Variants in ENOX1 observed in about 807,000 individuals in gnomAD.
ENOX1 encodes the protein ecto-NOX disulfide-thiol exchanger 1.
A neutral mutation model predicts 82.5 loss-of-function variants in ENOX1; 42 were observed. The ratio of observed to expected loss-of-function variants is 0.51; its 90% CI spans 0.40 to 0.66. The LOEUF (loss-of-function observed/expected upper bound fraction) is 0.66. Ranked by LOEUF, ENOX1 falls within the 30% of genes least tolerant of loss-of-function variation. The pLI is 0.00. For missense variants in ENOX1, 608 were observed against 811.6 expected (o/e 0.75, Z 3.05); for synonymous variants, 271 against 282.2 (o/e 0.96, Z 0.40).
At chr13:43,771,978 G>T (rs953401163) in intron 1 of ENOX1, among the ~76,000 whole-genome samples, 3 of 133,144 alleles carry the variant, frequency 2.3e-5, no homozygotes, top group Admixed American at 8.0e-5. Context: ...TAGAGATGGG[G>T]TTTCACCGTG....
chr13:43,298,270 A>G, intron 12 of ENOX1, 76 bp downstream of exon 12: 1 of 1,438,868 alleles, frequency 6.9e-7, no homozygotes, highest in Non-Finnish European at 9.2e-7. Context: ...TTTCCAGCAC[A>G]CGGCTGCCTT....
chr13:43,761,353 T>C (rs759581262), intron 1 of ENOX1, among the ~76,000 whole-genome samples: 14 of 152,226 alleles, frequency 9.2e-5, no homozygotes, highest in Non-Finnish European at 1.6e-4. Flanking sequence ...AATACCCTCA[T>C]GTTTCTAAAT....
chr13:43,363,211 T>C (rs1443242847), intron 5 of ENOX1, among the ~76,000 whole-genome samples: 2 of 152,240 alleles, frequency 1.3e-5, no homozygotes, highest in African/African-American at 4.8e-5. Flanking sequence ...ACAAGTATGA[T>C]TTCCATTTTA....
intron 1 of ENOX1, among the ~76,000 whole-genome samples, chr13:43,780,793 T>G (rs1952211722): frequency 6.6e-6 from 1 of 152,238 alleles, no homozygotes; most frequent in South Asian, 2.1e-4. Flanking sequence ...CTGGGGCTTT[T>G]GAGATGCTCA....
rs1261954672 is a variant in ENOX1, at chr13:43,213,524, C to CTTTTTTTTTTTT, written c.*465_*466insAAAAAAAAAAAA. The CTTTTTTTTTTTT allele has an allele frequency of 1.2e-5, 1 of 83,364 alleles. No individual in the cohort carries two copies. The highest frequency in any genetic ancestry group is 4.2e-4 in the East Asian group (1 of 2,364). 5.2% of individuals were successfully genotyped at this position (83,364 alleles called of 1,614,324 possible). ...CTCACTGTAAAACTTTTTCTTTTTTCTTTTTTTCTTTTTCTTTTTCTTTTT... is the reference window on the plus strand; with the variant it reads ...CTCACTGTAAAACTTTTTCTTTTTTCTTTTTTTTTTTTTTTTTTTCTTTTTCTTTTTCTTTTT... On this transcript the variant is annotated 3_prime_UTR_variant, in exon 17 of 17. Transcript: ENST00000690772.
chr13:43,679,458 C>A (rs1185527740), intron 1 of ENOX1, among the ~76,000 whole-genome samples: 1 of 152,138 alleles, frequency 6.6e-6, no homozygotes, highest in Non-Finnish European at 1.5e-5. Context: ...ACTGCTCCAT[C>A]CCTCATGTTT....
At chr13:43,589,933 C>T (rs1352986701) in intron 2 of ENOX1, among the ~76,000 whole-genome samples, 1 of 151,636 alleles carries the variant, frequency 6.6e-6, no homozygotes, top group Non-Finnish European at 1.5e-5. Context: ...ATATACATCC[C>T]TCATAATTCC....
intron 5 of ENOX1, among the ~76,000 whole-genome samples, chr13:43,373,352 C>T (rs1255015404): frequency 6.6e-6 from 1 of 152,090 alleles, no homozygotes; most frequent in Non-Finnish European, 1.5e-5. Context: ...CTTTCTTCTC[C>T]CCCAGGACCT....
At chr13:43,420,170 C>T (rs1386594075) in intron 3 of ENOX1, among the ~76,000 whole-genome samples, 3 of 152,190 alleles carry the variant, frequency 2.0e-5, no homozygotes, top group Admixed American at 1.3e-4. Context: ...CAGTGCCATA[C>T]TCTCGAGGTT....
At chr13:43,576,350 C>T (rs1235152252) in intron 2 of ENOX1, among the ~76,000 whole-genome samples, 5 of 152,308 alleles carry the variant, frequency 3.3e-5, no homozygotes, top group African/African-American at 1.2e-4. Context: ...CCACAGCTGA[C>T]GAGGAAATTA....
chr13:43,219,023 A>C (rs978388611), intron 16 of ENOX1, among the ~76,000 whole-genome samples: 1 of 152,114 alleles, frequency 6.6e-6, no homozygotes, highest in African/African-American at 2.4e-5. Flanking sequence ...ACTTAAACCA[A>C]GCACCCAGAC....
intron 3 of ENOX1, among the ~76,000 whole-genome samples, chr13:43,451,497 T>C (rs908276310): frequency 6.6e-5 from 10 of 152,210 alleles, no homozygotes; most frequent in African/African-American, 1.9e-4. Flanking sequence ...ACTTGACTTA[T>C]GGAAAGAAGA....
chr13:43,394,000 C>T (rs1355909477), intron 5 of ENOX1, among the ~76,000 whole-genome samples: 1 of 152,164 alleles, frequency 6.6e-6, no homozygotes, highest in Non-Finnish European at 1.5e-5. Context: ...CCCTCTCTTG[C>T]TATGTGGGCA....
Position 43,350,925 on chromosome 13 carries a change from G to A in ENOX1, c.823+4994C>T, listed in dbSNP as rs1419634125. On this transcript the variant is annotated intron_variant, in intron 8 of 16. Transcript: ENST00000690772. ...GGAGACAGGGATTTTATGTTTGAAC[G>A]GAACGAGGGAAAACAAGGAAGGCAT... Among the ~76,000 whole-genome samples the A allele has an allele frequency of 2.6e-5, 4 of 152,266 alleles. No homozygotes were observed. In the East Asian group the frequency reaches 7.7e-4, roughly 29 times the overall value.
intron 2 of ENOX1, among the ~76,000 whole-genome samples, chr13:43,640,661 C>G (rs914532889): frequency 5.3e-5 from 8 of 152,014 alleles, no homozygotes; most frequent in African/African-American, 1.9e-4. Context: ...GACTGTGTCC[C>G]CTCCACCTCC....
intron 8 of ENOX1, among the ~76,000 whole-genome samples, chr13:43,345,327 A>G (rs2049313365): frequency 1.3e-5 from 2 of 152,212 alleles, no homozygotes; most frequent in Admixed American, 6.5e-5. Flanking sequence ...TAGGGCTAAT[A>G]CCATATATTT....
chr13:43,386,642 T>C (rs2052428229), intron 5 of ENOX1, among the ~76,000 whole-genome samples: 1 of 152,222 alleles, frequency 6.6e-6, no homozygotes, highest in South Asian at 2.1e-4. Context: ...GTAAGCATTG[T>C]GTTTGAACGA....
chr13:43,677,725 A>G (rs1324589359), intron 1 of ENOX1, among the ~76,000 whole-genome samples: 1 of 152,200 alleles, frequency 6.6e-6, no homozygotes, highest in African/African-American at 2.4e-5. Context: ...ATGTTGTGAC[A>G]TAAGCATTAT....
intron 9 of ENOX1, among the ~76,000 whole-genome samples, chr13:43,338,980 C>T (rs1170735205): frequency 2.0e-5 from 3 of 152,118 alleles, no homozygotes; most frequent in Admixed American, 6.5e-5. Context: ...CCACCGTGCC[C>T]GGCCTCGGGT....
Sources: gnomAD v4.1 joint callset for allele counts (sites outside exome capture counted in the v4.1 genomes callset) on GRCh38, gnomAD v4.1.1 for gene constraint, MANE v1.5 for transcripts, NCBI Gene and HGNC (gene_info 2026-07-23, HGNC 2026-07-21) for gene names.